CCDC150: variants seen among roughly 807,000 people sequenced by gnomAD.
The protein encoded by CCDC150 is coiled-coil domain containing 150, also known as coiled-coil domain-containing protein 150.
In CCDC150, 151 loss-of-function variants were observed where a neutral mutation model predicts 156.5. The observed-to-expected ratio is 0.97, with a 90% CI of 0.85 to 1.10. CCDC150 has a LOEUF of 1.10. Among genes scored for constraint, CCDC150 ranks in the 50% least tolerant of loss-of-function variants. CCDC150 has a pLI of 0.00. For missense variants in CCDC150, 1,312 were observed against 1,268.1 expected (o/e 1.03, Z -0.53); for synonymous variants, 452 against 429.4 (o/e 1.05, Z -0.65).
chr2:196,685,487 A>G (rs1177520904), intron 13 of CCDC150, among the ~76,000 whole-genome samples: 1 of 152,214 alleles, frequency 6.6e-6, no homozygotes, highest in Non-Finnish European at 1.5e-5. Context: ...TGTTTAAACT[A>G]GAAGAAAAGC....
At chr2:196,703,340 A>G (rs1696368055) in intron 15 of CCDC150, among the ~76,000 whole-genome samples, 3 of 152,326 alleles carry the variant, frequency 2.0e-5, no homozygotes, top group South Asian at 4.1e-4. Flanking sequence ...TTACTAGAAC[A>G]ATAAAAAGAA....
In CCDC150 at chr2:196,712,657, C is replaced by A; in HGVS notation, c.1804-20C>A. 6.3e-7 allele frequency: 1 copy of A among 1,595,018 alleles called. No individual in the cohort carries two copies. Among genetic ancestry groups the A allele is most frequent in the South Asian group, 1.1e-5 (1 of 88,094 alleles). ...TTTGGCAGTTGTGAGGAACAAGTAT[C>A]TTTGTTTTTTGAATTAAAGGCAAAC... On this transcript the variant is annotated intron_variant, in intron 16 of 27. Coordinates refer to ENST00000389175, the MANE Select transcript of CCDC150 (RefSeq NM_001080539.2).
Position 196,722,898 on chromosome 2 carries a change from G to A in CCDC150, c.2429+1207G>A, listed in dbSNP as rs78812987. On this transcript the variant is annotated intron_variant, in intron 21 of 27. Transcript: ENST00000389175. Reference sequence around the variant, plus strand: ...ACCAAAGGAAAAAAAAAATGATTAGGTCATTTACAGGAAAAGGATGAGGTG... The same window carrying A: ...ACCAAAGGAAAAAAAAAATGATTAGATCATTTACAGGAAAAGGATGAGGTG... Among the ~76,000 whole-genome samples, 501 of 152,222 alleles carry A rather than the reference G, an allele frequency of 3.3e-3. 3 individuals carry two copies. Among genetic ancestry groups the A allele is most frequent in the African/African-American group, 0.011 (466 of 41,544 alleles).
Position 196,729,949 on chromosome 2 carries a change from C to T in CCDC150, c.2821-8C>T, listed in dbSNP as rs188424699. 6.2e-7 allele frequency: 1 copy of T among 1,610,412 alleles called. No individual in the cohort carries two copies. Among genetic ancestry groups the T allele is most frequent in the East Asian group, 2.2e-5 (1 of 44,862 alleles). Reference sequence around the variant, plus strand: ...TCACCAAATGTCTCTGTCTTTGTATCCTTCCAGTCTTTGAGTATCCAGAGA... The same window carrying T: ...TCACCAAATGTCTCTGTCTTTGTATTCTTCCAGTCTTTGAGTATCCAGAGA... On this transcript the variant is annotated splice_region_variant and splice_polypyrimidine_tract_variant and intron_variant, in intron 24 of 27. Transcript: ENST00000389175.
rs1363814808 is a variant in CCDC150, at chr2:196,730,948, G to A, written c.3069+3G>A. The A allele has an allele frequency of 6.3e-7, 1 of 1,590,672 alleles. No individual in the cohort carries two copies. The highest frequency in any genetic ancestry group is 2.3e-5 in the East Asian group (1 of 43,958). ...AAGCCAGTGTGGAATCAGAACAGGTGAGCCAGACCCACGGACATAAAGACT... is the reference window on the plus strand; with the variant it reads ...AAGCCAGTGTGGAATCAGAACAGGTAAGCCAGACCCACGGACATAAAGACT... On this transcript the variant is annotated splice_donor_region_variant and intron_variant, in intron 26 of 27. Coordinates refer to ENST00000389175, the MANE Select transcript of CCDC150 (RefSeq NM_001080539.2).
chr2:196,668,054 T>C (rs1407880748), intron 7 of CCDC150: 1 of 152,240 alleles, frequency 6.6e-6, no homozygotes, highest in East Asian at 1.9e-4. Context: ...ATCCCAGCAC[T>C]TGGGGAGGCC....
intron 15 of CCDC150, among the ~76,000 whole-genome samples, chr2:196,710,375 G>A (rs1697019754): frequency 6.7e-6 from 1 of 150,262 alleles, no homozygotes; most frequent in African/African-American, 2.5e-5. Context: ...ATTTGGGCAG[G>A]AGTGTCCTGT....
At chr2:196,703,769 G>C (rs1696401649) in intron 15 of CCDC150, among the ~76,000 whole-genome samples, 1 of 152,088 alleles carries the variant, frequency 6.6e-6, no homozygotes, top group Non-Finnish European at 1.5e-5. Context: ...TTTATGGATG[G>C]GTCTGATGTT....
chr2:196,697,054 T>C (rs1695872126), intron 14 of CCDC150, among the ~76,000 whole-genome samples: 1 of 152,216 alleles, frequency 6.6e-6, no homozygotes, highest in Non-Finnish European at 1.5e-5. Flanking sequence ...AATTACTACA[T>C]TGATTAGAAA....
At chr2:196,693,011 A>G (rs968612782) in intron 13 of CCDC150, among the ~76,000 whole-genome samples, 1 of 152,224 alleles carries the variant, frequency 6.6e-6, no homozygotes, top group African/African-American at 2.4e-5. Context: ...TGTTGGATGC[A>G]TATATATTTA....
intron 21 of CCDC150, among the ~76,000 whole-genome samples, chr2:196,725,688 CTT>C (rs1303557694): frequency 6.6e-6 from 1 of 152,206 alleles, no homozygotes. Context: ...GCAAGTATCT[CTT>C]AAAGTGTTTC....
chr2:196,664,099 A>T (rs1347029733), intron 5 of CCDC150, among the ~76,000 whole-genome samples: 1 of 152,108 alleles, frequency 6.6e-6, no homozygotes, highest in Non-Finnish European at 1.5e-5. Context: ...AAAAAAAAAA[A>T]GTGTGTTTTT....
intron 17 of CCDC150, among the ~76,000 whole-genome samples, chr2:196,714,894 A>T (rs1220821371): frequency 2.0e-5 from 3 of 152,240 alleles, no homozygotes; most frequent in Admixed American, 6.5e-5. Context: ...TCAGTAGATT[A>T]TCAGGACCTG....
intron 1 of CCDC150, among the ~76,000 whole-genome samples, chr2:196,644,509 A>T (rs1034989230): frequency 1.3e-5 from 2 of 151,868 alleles, no homozygotes; most frequent in South Asian, 4.2e-4. Context: ...CTTGAGGAAT[A>T]CTATACTGGC....
chr2:196,670,888 C>A (rs1025642230), intron 8 of CCDC150, among the ~76,000 whole-genome samples: 2 of 152,100 alleles, frequency 1.3e-5, no homozygotes, highest in Non-Finnish European at 2.9e-5. Context: ...AAGTTCACAA[C>A]AAAATTGAAC....
intron 2 of CCDC150, among the ~76,000 whole-genome samples, chr2:196,653,442 C>T (rs1300819447): frequency 2.0e-5 from 3 of 152,212 alleles, no homozygotes; most frequent in African/African-American, 7.2e-5. Flanking sequence ...TTCCACAGAT[C>T]CTTAAGGGCA....
chr2:196,713,296 C>A, intron 17 of CCDC150: 1 of 1,425,100 alleles, frequency 7.0e-7, no homozygotes, highest in Non-Finnish European at 9.2e-7. Context: ...AGTAAAGGGG[C>A]TATTCCTTGA....
At position 196,707,585 on chromosome 2, in the gene CCDC150, C is replaced by G. The variant is rs147783237; in HGVS notation, c.1696-4560C>G. ...TTTGTTTGCTCTTGCTTCTCTAGTTCTTTTAATTGTGATGTTAGGGTGTTG... is the reference window on the plus strand; with the variant it reads ...TTTGTTTGCTCTTGCTTCTCTAGTTGTTTTAATTGTGATGTTAGGGTGTTG... On this transcript the variant is annotated intron_variant, in intron 15 of 27. Transcript: ENST00000389175. Among the ~76,000 whole-genome samples, 833 of 152,188 alleles carry G rather than the reference C, an allele frequency of 5.5e-3. 4 individuals carry two copies. Among genetic ancestry groups the G allele is most frequent in the African/African-American group, 0.019 (807 of 41,522 alleles).
At chr2:196,648,988 T>C (rs1470079802) in intron 2 of CCDC150, among the ~76,000 whole-genome samples, 5 of 152,224 alleles carry the variant, frequency 3.3e-5, no homozygotes, top group Non-Finnish European at 7.4e-5. Flanking sequence ...TTCTATTTCA[T>C]TGGACAATGT....
Sources: gnomAD v4.1 joint callset for allele counts (sites outside exome capture counted in the v4.1 genomes callset) on GRCh38, gnomAD v4.1.1 for gene constraint, MANE v1.5 for transcripts, NCBI Gene and HGNC (gene_info 2026-07-23, HGNC 2026-07-21) for gene names.